CARS1: variants seen among roughly 807,000 people sequenced by gnomAD.
CARS1 encodes cysteine--tRNA ligase, cytoplasmic.
Under a neutral mutation model 106.2 loss-of-function variants are expected in CARS1, and 48 were observed. The ratio of observed to expected loss-of-function variants is 0.45; its 90% confidence interval spans 0.36 to 0.57. The LOEUF is 0.57. CARS1 is among the 20% of genes least tolerant of loss of function. The pLI is 0.00. For synonymous variants in CARS1, 409 were observed against 403.4 expected, an observed-to-expected ratio of 1.01 and a Z score of -0.17; for missense variants, 968 against 1,057.2, an observed-to-expected ratio of 0.92 and a Z score of 1.17.
rs1855501004 is a variant in CARS1 at position 3,050,037 on chromosome 11, G to A, written c.26-2036C>T. On this transcript the variant is annotated intron_variant, in intron 1 of 22. Transcript: ENST00000380525. The surrounding 1 kb of genome is among the most constrained non-coding windows in gnomAD (Gnocchi z 6.3). The stretch of plus-strand genomic sequence containing the variant: ...TGCAGCAGCAAGAATGCCCCACTGG[G>A]CCGAGCTCTTCACCCGCCAGGGAGC... Among the ~76,000 whole-genome samples, 1 of 151,896 alleles carries A rather than the reference G, an allele frequency of 6.6e-6. No homozygotes were observed. Among genetic ancestry groups the A allele is most frequent in the Non-Finnish European group, 1.5e-5 (1 of 67,976 alleles).
intron 9 of CARS1, chr11:3,027,693 G>A: frequency 2.9e-6 from 1 of 347,438 alleles, no homozygotes; most frequent in Non-Finnish European, 6.0e-6. Context: ...GACATAGTGA[G>A]GAGTGACCAG....
chr11:3,018,314 T>A, intron 14 of CARS1, 94 bp downstream of exon 14: 2 of 795,656 alleles, frequency 2.5e-6, no homozygotes, highest in Non-Finnish European at 4.2e-6. Flanking sequence ...ATTAGAGACA[T>A]CGGGAGGCTG....
intron 18 of CARS1, chr11:3,009,350 C>T (rs934117240): frequency 6.6e-6 from 1 of 152,190 alleles, no homozygotes; most frequent in African/African-American, 2.4e-5. Context: ...AGGACAAACA[C>T]TGTGTGACTC....
chr11:3,014,831 G>A (rs979672437), intron 17 of CARS1, among the ~76,000 whole-genome samples: 1 of 152,200 alleles, frequency 6.6e-6, no homozygotes, highest in African/African-American at 2.4e-5. Flanking sequence ...GGTTCCTGGG[G>A]GAGCATCTGT....
Position 3,028,949 on chromosome 11 carries a change from C to G in CARS1, c.1031+47G>C. Reference sequence around the variant, plus strand: ...CAGAGCTGGGGAGCTCCTCCCTGTGCGATGTTCTGCAGCCCTTCCCTCCCT... The same window carrying G: ...CAGAGCTGGGGAGCTCCTCCCTGTGGGATGTTCTGCAGCCCTTCCCTCCCT... On this transcript the variant is annotated intron_variant, in intron 9 of 22. Transcript: ENST00000380525. This position sits in a 1 kb window ranked among gnomAD's most constrained non-coding sequence, Gnocchi z 4.4. 1 of 1,314,852 alleles carries G rather than the reference C, an allele frequency of 7.6e-7. No homozygotes were observed. Among genetic ancestry groups the G allele is most frequent in the Non-Finnish European group, 1.1e-6 (1 of 908,274 alleles). The allele number at this position is 1,314,852 out of a possible 1,614,324, so 81.4% of individuals were successfully genotyped here.
rs1035753339 is a variant in CARS1 at position 3,045,170 on chromosome 11, T to G, written c.274+2583A>C. ...CGTCCTGATATCCAGTGGACCTCCGTGCTGGAGGCTGGTGATCCAGGGAAG... is the reference window on the plus strand; with the variant it reads ...CGTCCTGATATCCAGTGGACCTCCGGGCTGGAGGCTGGTGATCCAGGGAAG... On this transcript the variant is annotated intron_variant, in intron 2 of 22. Transcript: ENST00000380525. The surrounding 1 kb of genome is among the most constrained non-coding windows in gnomAD (Gnocchi z 5.6). Among the ~76,000 whole-genome samples, 2 of 152,080 alleles carry G rather than the reference T, an allele frequency of 1.3e-5. No individual in the cohort carries two copies. Among genetic ancestry groups the G allele is most frequent in the Admixed American group, 6.5e-5 (1 of 15,276 alleles).
In CARS1 at chr11:3,022,795, G is replaced by T. The variant is rs370337081; in HGVS notation, c.1154-2463C>A. ...CCTCTGGTGGGTCATCTTACTTGGC[G>T]GAGTGAGGAGCTGTCATCATCTAGG... On this transcript the variant is annotated intron_variant, in intron 10 of 22. Coordinates refer to ENST00000380525, the MANE Select transcript of CARS1 (RefSeq NM_001014437.3). This position sits in a 1 kb window ranked among gnomAD's most constrained non-coding sequence, Gnocchi z 4.9. Among the ~76,000 whole-genome samples the T allele has an allele frequency of 6.6e-6, 1 of 152,112 alleles. No homozygotes were observed. The highest frequency in any genetic ancestry group is 6.5e-5 in the Admixed American group (1 of 15,278).
At chr11:3,002,376 A>G (rs1487407383) in intron 21 of CARS1, 165 bp downstream of exon 21, 4 of 1,328,012 alleles carry the variant, frequency 3.0e-6, no homozygotes, top group Non-Finnish European at 4.1e-6. Context: ...CCCATGTGAG[A>G]AGGGCCTGGC....
At chr11:3,011,744 C>T (rs1160427035) in intron 18 of CARS1, among the ~76,000 whole-genome samples, 1 of 152,154 alleles carries the variant, frequency 6.6e-6, no homozygotes, top group East Asian at 1.9e-4. Context: ...AGCTGCAGCT[C>T]GGCTCCACTC....
chr11:3,006,477 A>G (rs1175367864), intron 19 of CARS1, among the ~76,000 whole-genome samples: 1 of 152,260 alleles, frequency 6.6e-6, no homozygotes, highest in Non-Finnish European at 1.5e-5. Flanking sequence ...TGAAAATAAA[A>G]AACAAAAAAA....
In CARS1 at chr11:3,039,278, G is replaced by A; in HGVS notation, c.567C>T (p.Ala189=). The A allele has an allele frequency of 6.2e-7, 1 of 1,612,280 alleles. No individual in the cohort carries two copies. Among genetic ancestry groups the A allele is most frequent in the South Asian group, 1.1e-5 (1 of 91,024 alleles). Residue 189 remains alanine (A), a synonymous_variant, in exon 6 of 23, where the codon GCC becomes GCT. Transcript: ENST00000380525. The surrounding 1 kb of genome is among the most constrained non-coding windows in gnomAD (Gnocchi z 5.6). ...TDIDDKIIKR[A]RQNHLFEQYR... ...ACTGCTCGAACAGGTGGTTCTGCCG[G>A]GCCCTCTTGATGATCTGGGGAGGGA...
At position 3,037,725 on chromosome 11, in the gene CARS1, G is replaced by A. The variant is rs1853854459; in HGVS notation, c.801+325C>T. Among the ~76,000 whole-genome samples the A allele has an allele frequency of 6.6e-6, 1 of 152,240 alleles. No homozygotes were observed. The highest frequency in any genetic ancestry group is 1.9e-4 in the East Asian group (1 of 5,186). ...TGGGGAGAGTCCGCTGGAGAATCTT[G>A]GAACACTTCGACAGAAGGCTGCCTC... On this transcript the variant is annotated intron_variant, in intron 7 of 22. Coordinates refer to ENST00000380525, the MANE Select transcript of CARS1 (RefSeq NM_001014437.3). The surrounding 1 kb of genome is among the most constrained non-coding windows in gnomAD (Gnocchi z 5.9).
At position 3,038,967 on chromosome 11, in the gene CARS1, T is replaced by A. The variant is rs1165858048; in HGVS notation, c.651+227A>T. 6.6e-6 allele frequency among the ~76,000 whole-genome samples: 1 copy of A among 152,202 alleles called. No individual in the cohort carries two copies. The highest frequency in any genetic ancestry group is 1.5e-5 in the Non-Finnish European group (1 of 68,026). On this transcript the variant is annotated intron_variant, in intron 6 of 22. Coordinates refer to ENST00000380525, the MANE Select transcript of CARS1 (RefSeq NM_001014437.3). This position sits in a 1 kb window ranked among gnomAD's most constrained non-coding sequence, Gnocchi z 4.0. ...GTTGTTTTCCTGTAAGTGGCAGGAA[T>A]GTCACCTACTCTCCACTCCACTCCA... is the stretch of plus-strand genomic sequence containing the variant.
intron 1 of CARS1, chr11:3,055,104 C>G: frequency 3.3e-6 from 2 of 604,010 alleles, no homozygotes; most frequent in Non-Finnish European, 5.9e-6. Flanking sequence ...GAAGATGGTA[C>G]AAAAATGATG....
At chr11:3,051,507 T>G (rs4758462) in intron 1 of CARS1, among the ~76,000 whole-genome samples, 1 of 152,164 alleles carries the variant, frequency 6.6e-6, no homozygotes, top group Non-Finnish European at 1.5e-5. Flanking sequence ...CACCCCAAAG[T>G]GAGGTCCTGG....
In CARS1 at chr11:3,041,340, C is replaced by A; in HGVS notation, c.367-356G>T. ...TACCTACCATGTGCCAGGCCCTGAGCTAAATATTCAATATGCAGTACACTC... is the reference window on the plus strand; with the variant it reads ...TACCTACCATGTGCCAGGCCCTGAGATAAATATTCAATATGCAGTACACTC... On this transcript the variant is annotated intron_variant, in intron 3 of 22. Coordinates refer to ENST00000380525, the MANE Select transcript of CARS1 (RefSeq NM_001014437.3). This position sits in a 1 kb window ranked among gnomAD's most constrained non-coding sequence, Gnocchi z 4.9. 1 of 266,724 alleles carries A rather than the reference C, an allele frequency of 3.7e-6. No individual in the cohort carries two copies. The highest frequency in any genetic ancestry group is 4.4e-5 in the South Asian group (1 of 22,770). 16.5% of individuals were successfully genotyped at this position (266,724 alleles called of 1,614,324 possible).
At chr11:3,002,110 C>T (rs1849451994) in intron 21 of CARS1, 57 bp from the exon 22 acceptor site, 2 of 1,136,450 alleles carry the variant, frequency 1.8e-6, no homozygotes, top group Non-Finnish European at 2.7e-6. Context: ...GGGCTCCGCA[C>T]TGTGAACGAC....
intron 7 of CARS1, among the ~76,000 whole-genome samples, chr11:3,033,195 C>T (rs116632511): frequency 0.019 from 2,946 of 151,864 alleles, 25 homozygotes; most frequent in Middle Eastern, 0.038. Flanking sequence ...AGCAAAGACA[C>T]ACAAAATATT....
At chr11:3,013,571 C>T (rs1337360895) in intron 17 of CARS1, among the ~76,000 whole-genome samples, 2 of 152,060 alleles carry the variant, frequency 1.3e-5, no homozygotes, top group African/African-American at 4.8e-5. Context: ...CAAGTGCTGG[C>T]TGGGCGCGGT....
Sources: allele counts gnomAD v4.1 joint callset (sites outside exome capture counted in the v4.1 genomes callset), GRCh38; gene constraint gnomAD v4.1.1; non-coding constraint Gnocchi (gnomAD v3.1); transcripts MANE v1.5; gene names NCBI Gene and HGNC (gene_info 2026-07-23, HGNC 2026-07-21).